Variants in WWOX observed in about 807,000 individuals in gnomAD.
The protein encoded by WWOX is WW domain containing oxidoreductase.
WWOX carries 69 observed loss-of-function variants against 46.2 expected under a neutral mutation model. The observed-to-expected ratio is 1.49, with a 90% CI of 1.23 to 1.82. The LOEUF is 1.82. Ranked by LOEUF, WWOX falls within the 40% of genes most tolerant of loss-of-function variation. WWOX has a pLI of 0.00. For synonymous variants in WWOX, 359 were observed against 202.6 expected (o/e 1.77, Z -6.56); for missense variants, 919 against 542.6 (o/e 1.69, Z -6.89).
intron 8 of WWOX, chr16:79,077,783 G>A (rs1597353191): frequency 6.6e-6 from 1 of 151,856 alleles, no homozygotes; most frequent in Non-Finnish European, 1.5e-5. Flanking sequence ...AGAGATCTTT[G>A]AAAGAAAATT....
At chr16:79,194,626 C>T (rs1297281191) in intron 8 of WWOX, among the ~76,000 whole-genome samples, 1 of 152,132 alleles carries the variant, frequency 6.6e-6, no homozygotes, top group Non-Finnish European at 1.5e-5. Context: ...CCGTTCAGTT[C>T]CCAGGCTCCC....
At chr16:78,485,708 C>A (rs2084617690) in intron 8 of WWOX, among the ~76,000 whole-genome samples, 2 of 152,204 alleles carry the variant, frequency 1.3e-5, no homozygotes, top group South Asian at 2.1e-4. Flanking sequence ...AGCACCTTTG[C>A]TTGAACGCTG....
intron 8 of WWOX, among the ~76,000 whole-genome samples, chr16:79,210,476 G>C (rs1468149606): frequency 6.6e-6 from 1 of 152,170 alleles, no homozygotes; most frequent in Non-Finnish European, 1.5e-5. Flanking sequence ...GGGTCGGAAA[G>C]CCATTTCCCC....
At chr16:78,693,906 G>A (rs371223219) in intron 8 of WWOX, among the ~76,000 whole-genome samples, 7 of 152,128 alleles carry the variant, frequency 4.6e-5, no homozygotes, top group Non-Finnish European at 7.4e-5. Flanking sequence ...AAGCAGACTC[G>A]GCAACATTAC....
chr16:78,485,836 A>G (rs1360157618), intron 8 of WWOX, among the ~76,000 whole-genome samples: 2 of 152,196 alleles, frequency 1.3e-5, no homozygotes, highest in African/African-American at 4.8e-5. Flanking sequence ...TCCTGGATGC[A>G]CTTATTTTGC....
intron 8 of WWOX, among the ~76,000 whole-genome samples, chr16:78,838,149 A>T (rs917565822): frequency 6.6e-6 from 1 of 152,168 alleles, no homozygotes; most frequent in African/African-American, 2.4e-5. Context: ...GTCAGGCTGC[A>T]TGCACATTGG....
At chr16:78,912,514 T>A (rs2045138259) in intron 8 of WWOX, among the ~76,000 whole-genome samples, 1 of 151,976 alleles carries the variant, frequency 6.6e-6, no homozygotes, top group Non-Finnish European at 1.5e-5. Flanking sequence ...GATCAAGAAA[T>A]GCCAGCTCCT....
At chr16:78,706,009 G>T (rs537267325) in intron 8 of WWOX, among the ~76,000 whole-genome samples, 1 of 144,692 alleles carries the variant, frequency 6.9e-6, no homozygotes, top group Non-Finnish European at 1.5e-5. Context: ...TTCTCAAGAA[G>T]CTTTCATTCT....
chr16:78,630,666 A>G (rs1412135283), intron 8 of WWOX, among the ~76,000 whole-genome samples: 1 of 152,078 alleles, frequency 6.6e-6, no homozygotes, highest in Non-Finnish European at 1.5e-5. Flanking sequence ...CCCTGTGCTC[A>G]TTTTGCCTTG....
intron 8 of WWOX, among the ~76,000 whole-genome samples, chr16:78,990,491 T>C (rs2046865262): frequency 6.6e-6 from 1 of 152,222 alleles, no homozygotes; most frequent in East Asian, 1.9e-4. Flanking sequence ...CTGCAAACTC[T>C]GTGGCCTGCA....
chr16:78,601,669 T>C (rs1301428483), intron 8 of WWOX, among the ~76,000 whole-genome samples: 1 of 152,230 alleles, frequency 6.6e-6, no homozygotes, highest in Admixed American at 6.5e-5. Flanking sequence ...TGGTAGTATA[T>C]TAATTGATGG....
At chr16:78,190,589 G>C (rs2035854882) in intron 5 of WWOX, among the ~76,000 whole-genome samples, 1 of 152,104 alleles carries the variant, frequency 6.6e-6, no homozygotes, top group South Asian at 2.1e-4. Flanking sequence ...ATATTCGTAG[G>C]GTGAGTTGGG....
At chr16:78,881,464 T>G (rs767352060) in intron 8 of WWOX, among the ~76,000 whole-genome samples, 1 of 152,224 alleles carries the variant, frequency 6.6e-6, no homozygotes, top group Admixed American at 6.5e-5. Flanking sequence ...AATAAAAGTT[T>G]CCAATGCATT....
intron 8 of WWOX, among the ~76,000 whole-genome samples, chr16:78,839,533 C>G (rs924335712): frequency 6.6e-6 from 1 of 152,120 alleles, no homozygotes; most frequent in South Asian, 2.1e-4. Context: ...CTTCCTCATG[C>G]TAATAGGTGT....
intron 8 of WWOX, among the ~76,000 whole-genome samples, chr16:79,019,795 C>T (rs74467358): frequency 0.02 from 3,119 of 152,212 alleles, 108 homozygotes; most frequent in African/African-American, 0.069. Flanking sequence ...ATTTCTGCAT[C>T]AGACTCAAAA....
intron 8 of WWOX, among the ~76,000 whole-genome samples, chr16:79,049,041 C>A (rs1057333307): frequency 3.9e-5 from 6 of 152,120 alleles, no homozygotes; most frequent in African/African-American, 1.2e-4. Context: ...ACCCGAGATA[C>A]AAAAGCGACA....
At chr16:78,195,664 A>T (rs2036025319) in intron 5 of WWOX, among the ~76,000 whole-genome samples, 1 of 152,012 alleles carries the variant, frequency 6.6e-6, no homozygotes, top group South Asian at 2.1e-4. Flanking sequence ...TCTACTAAAA[A>T]TACAAAAATT....
At chr16:78,406,561 G>A (rs979607006) in intron 6 of WWOX, among the ~76,000 whole-genome samples, 24 of 150,642 alleles carry the variant, frequency 1.6e-4, no homozygotes, top group African/African-American at 5.3e-4. Context: ...ATGTTGGCGA[G>A]GATGGTCTCA....
intron 8 of WWOX, among the ~76,000 whole-genome samples, chr16:78,889,392 C>T (rs1005858393): frequency 1.6e-5 from 2 of 127,746 alleles, no homozygotes; most frequent in African/African-American, 5.9e-5. Flanking sequence ...AGCCTAAACC[C>T]TGCAAACTGG....
Sources: allele counts gnomAD v4.1 joint callset (sites outside exome capture counted in the v4.1 genomes callset), GRCh38; gene constraint gnomAD v4.1.1; transcripts MANE v1.5; gene names NCBI Gene and HGNC (gene_info 2026-07-23, HGNC 2026-07-21).